The following INVS variants were observed in gnomAD, a reference collection of about 807,000 sequenced individuals.
The protein encoded by INVS is inversion of embryo turning homolog.
INVS carries 86 observed loss-of-function variants against 108.8 expected under a neutral mutation model. The observed-to-expected ratio is 0.79, with a 90% CI of 0.66 to 0.95. The LOEUF is 0.95. Ranked by LOEUF, INVS falls within the 40% of genes least tolerant of loss-of-function variation. INVS has a pLI of 0.00. For missense variants in INVS, 1,169 were observed against 1,297.4 expected, an observed-to-expected ratio of 0.90 and a Z score of 1.52; for synonymous variants, 455 against 473.5, an observed-to-expected ratio of 0.96 and a Z score of 0.51.
At chr9:100,102,639 G>A (rs183262843) in intron 1 of INVS, 1 of 152,322 alleles carries the variant, frequency 6.6e-6, no homozygotes, top group African/African-American at 2.4e-5. Context: ...AGGAGTTTCA[G>A]GCTGTAGTGC....
At chr9:100,188,162 CCTTT>C (rs769803460) in intron 3 of INVS, among the ~76,000 whole-genome samples, 1 of 152,108 alleles carries the variant, frequency 6.6e-6, no homozygotes, top group East Asian at 1.9e-4. Context: ...ATTTGGATGT[CCTTT>C]CTTTCTTTCT....
chr9:100,201,344 A>G (rs143208287), intron 3 of INVS, among the ~76,000 whole-genome samples: 118 of 152,368 alleles, frequency 7.7e-4, no homozygotes, highest in African/African-American at 2.5e-3. Context: ...GTTAGCAAAC[A>G]AATCTGTCCT....
chr9:100,289,348 T>C (rs1405789385), intron 13 of INVS, among the ~76,000 whole-genome samples: 1 of 152,238 alleles, frequency 6.6e-6, no homozygotes, highest in Admixed American at 6.5e-5. Flanking sequence ...CAGCTTCTGC[T>C]CACCAACCAG....
At chr9:100,289,532 T>C (rs1833548103) in intron 13 of INVS, among the ~76,000 whole-genome samples, 1 of 152,272 alleles carries the variant, frequency 6.6e-6, no homozygotes, top group Admixed American at 6.5e-5. Context: ...GGGCAGTTCC[T>C]CTTCTCGATC....
At chr9:100,148,867 A>T (rs1457418116) in intron 3 of INVS, among the ~76,000 whole-genome samples, 1 of 152,206 alleles carries the variant, frequency 6.6e-6, no homozygotes, top group African/African-American at 2.4e-5. Context: ...ATGGTGCAAC[A>T]TATGTATGAA....
At chr9:100,247,868 G>T (rs1017676286) in intron 8 of INVS, among the ~76,000 whole-genome samples, 1 of 152,036 alleles carries the variant, frequency 6.6e-6, no homozygotes, top group African/African-American at 2.4e-5. Flanking sequence ...GAGTGCAGTG[G>T]CATGATCTTG....
chr9:100,170,624 A>C (rs1649299855), intron 3 of INVS, among the ~76,000 whole-genome samples: 1 of 152,162 alleles, frequency 6.6e-6, no homozygotes, highest in Non-Finnish European at 1.5e-5. Flanking sequence ...CTTGCAAAAG[A>C]AGTTCAAAGT....
At chr9:100,131,996 A>C in intron 3 of INVS, 1 of 525,974 alleles carries the variant, frequency 1.9e-6, no homozygotes, top group Non-Finnish European at 2.4e-6. Flanking sequence ...TGCACACACA[A>C]ACACAACAAA....
chr9:100,288,945 T>C (rs1214441474), intron 13 of INVS, among the ~76,000 whole-genome samples: 3 of 151,630 alleles, frequency 2.0e-5, no homozygotes, highest in Admixed American at 6.6e-5. Context: ...ATCTTTATGC[T>C]GAGGCCTATG....
At chr9:100,239,949 A>G in intron 5 of INVS, 111 bp from the exon 6 acceptor site, 1 of 976,834 alleles carries the variant, frequency 1.0e-6, no homozygotes, top group Non-Finnish European at 1.6e-6. Flanking sequence ...AACCTGGGTG[A>G]CAGAACAAGA....
intron 2 of INVS, chr9:100,117,506 C>A (rs948553349): frequency 1.2e-6 from 1 of 826,134 alleles, no homozygotes; most frequent in African/African-American, 1.7e-5. Context: ...TCAGCCCGGG[C>A]CCCGTCCACG....
At chr9:100,212,248 G>A (rs1381493565) in intron 3 of INVS, among the ~76,000 whole-genome samples, 1 of 152,144 alleles carries the variant, frequency 6.6e-6, no homozygotes, top group Admixed American at 6.5e-5. Flanking sequence ...CATTTTATAT[G>A]GCACTGGTAG....
rs892221429 is a variant in INVS at position 100,126,464 on chromosome 9, G to A, written c.188G>A (p.Cys63Tyr). 3 of 1,614,134 alleles carry A rather than the reference G, an allele frequency of 1.9e-6. No homozygotes were observed. The highest frequency in any genetic ancestry group is 2.5e-6 in the Non-Finnish European group (3 of 1,179,978). ...TGCGTGTTGGCTGACAGATTGGATT[G>A]TGCAGATGCTCTTCTGAAGGCAGGA... ...MYCVLADRLD[C>Y]ADALLKAGAD... Residue 63 changes from cysteine to tyrosine, a missense_variant, in exon 3 of 17, where the codon TGT becomes TAT. Transcript: ENST00000262457.
intron 3 of INVS, among the ~76,000 whole-genome samples, chr9:100,177,716 G>A (rs1048059709): frequency 7.2e-5 from 11 of 152,204 alleles, no homozygotes; most frequent in Non-Finnish European, 5.9e-5. Flanking sequence ...AGACTTAAAT[G>A]TTCCTGCCTG....
At chr9:100,294,559 CA>C (rs775410982) in intron 14 of INVS, among the ~76,000 whole-genome samples, 1 of 152,218 alleles carries the variant, frequency 6.6e-6, no homozygotes, top group Non-Finnish European at 1.5e-5. Context: ...GCAGTATCCC[CA>C]TTTTTCAGAC....
intron 3 of INVS, among the ~76,000 whole-genome samples, chr9:100,221,562 C>CT (rs879356309): frequency 9.4e-5 from 14 of 148,434 alleles, no homozygotes; most frequent in South Asian, 2.1e-4. Flanking sequence ...TGATGGGTCT[C>CT]TGTCATTTGA....
chr9:100,159,235 G>A (rs1829096012), intron 3 of INVS, among the ~76,000 whole-genome samples: 1 of 152,180 alleles, frequency 6.6e-6, no homozygotes, highest in African/African-American at 2.4e-5. Context: ...GATAGAGGAA[G>A]GGAATATTCA....
chr9:100,299,771 AC>A (rs1833909736), intron 16 of INVS, among the ~76,000 whole-genome samples: 1 of 152,100 alleles, frequency 6.6e-6, no homozygotes, highest in South Asian at 2.1e-4. Flanking sequence ...TAGTATTGGT[AC>A]CCCCTGTACA....
intron 7 of INVS, among the ~76,000 whole-genome samples, chr9:100,243,190 T>C (rs545086867): frequency 3.9e-5 from 6 of 152,346 alleles, no homozygotes; most frequent in African/African-American, 1.4e-4. Flanking sequence ...CCACGTGTAA[T>C]TGTCCTTAAA....
Sources: allele counts gnomAD v4.1 joint callset (sites outside exome capture counted in the v4.1 genomes callset), GRCh38; gene constraint gnomAD v4.1.1; transcripts MANE v1.5; gene names NCBI Gene and HGNC (gene_info 2026-07-23, HGNC 2026-07-21).